ITFG1: variants seen among roughly 807,000 people sequenced by gnomAD.
ITFG1 encodes T-cell immunomodulatory protein.
Under a neutral mutation model 81.8 loss-of-function variants are expected in ITFG1, and 34 were observed. That is an observed-to-expected ratio of 0.42 (90% confidence interval 0.32 to 0.55). The LOEUF (loss-of-function observed/expected upper bound fraction) is 0.55. Ranked by LOEUF, ITFG1 falls within the 20% of genes least tolerant of loss-of-function variation. ITFG1 has a pLI of 0.17. For missense variants in ITFG1, 672 were observed against 755.4 expected (o/e 0.89, Z 1.29); for synonymous variants, 285 against 270.6 (o/e 1.05, Z -0.52).
intron 6 of ITFG1, among the ~76,000 whole-genome samples, chr16:47,380,963 T>C (rs1968388895): frequency 6.6e-6 from 1 of 152,240 alleles, no homozygotes; most frequent in Non-Finnish European, 1.5e-5. Context: ...AAATATTCAA[T>C]GCACATGCAG....
At chr16:47,299,107 T>C (rs1967032016) in intron 10 of ITFG1, among the ~76,000 whole-genome samples, 1 of 152,154 alleles carries the variant, frequency 6.6e-6, no homozygotes, top group Non-Finnish European at 1.5e-5. Context: ...ACCATGGCTT[T>C]GACAGGCAGG....
chr16:47,230,318 A>G (rs139261183), intron 13 of ITFG1, among the ~76,000 whole-genome samples: 1 of 152,306 alleles, frequency 6.6e-6, no homozygotes, highest in East Asian at 1.9e-4. Flanking sequence ...GTGTTTCGGT[A>G]AGTGTTGGCA....
At position 47,309,161 on chromosome 16, in the gene ITFG1, T is replaced by C. The variant is rs983903971; in HGVS notation, c.1070+2079A>G. On this transcript the variant is annotated intron_variant, in intron 10 of 17. Transcript: ENST00000320640. Reference sequence around the variant, plus strand: ...TTGGCTCACTGCAACCTCTGCCTCCTGGGTTCAAGTGATTCTCCTGCTTCA... The same window carrying C: ...TTGGCTCACTGCAACCTCTGCCTCCCGGGTTCAAGTGATTCTCCTGCTTCA... 4.0e-5 allele frequency among the ~76,000 whole-genome samples: 6 copies of C among 151,506 alleles called. 1 individual carries two copies. Among genetic ancestry groups the C allele is most frequent in the Admixed American group, 3.3e-4 (5 of 15,176 alleles).
At chr16:47,372,161 A>G (rs943957113) in intron 7 of ITFG1, among the ~76,000 whole-genome samples, 1 of 151,936 alleles carries the variant, frequency 6.6e-6, no homozygotes, top group Non-Finnish European at 1.5e-5. Flanking sequence ...CTCTTCCTCC[A>G]CGACACTTAC....
At chr16:47,173,912 T>C (rs1365407230) in intron 14 of ITFG1, among the ~76,000 whole-genome samples, 1 of 152,062 alleles carries the variant, frequency 6.6e-6, no homozygotes, top group African/African-American at 2.4e-5. Flanking sequence ...TGGTGGCACG[T>C]GCCTGTAGTC....
chr16:47,321,235 C>T (rs1967443965), intron 8 of ITFG1, among the ~76,000 whole-genome samples: 1 of 151,932 alleles, frequency 6.6e-6, no homozygotes, highest in South Asian at 2.1e-4. Context: ...TATGTGAGAC[C>T]CAGGGCTGAA....
chr16:47,340,467 T>C (rs1316996412), intron 8 of ITFG1, among the ~76,000 whole-genome samples: 1 of 152,136 alleles, frequency 6.6e-6, no homozygotes, highest in Non-Finnish European at 1.5e-5. Flanking sequence ...TCAATTCAAA[T>C]TAGAAGGCTA....
At chr16:47,263,335 T>C (rs1966233776) in intron 10 of ITFG1, 2 of 476,286 alleles carry the variant, frequency 4.2e-6, no homozygotes, top group South Asian at 3.3e-5. Flanking sequence ...AGCAGGCCTA[T>C]GATCTGGCCC....
chr16:47,271,162 T>C (rs984777158), intron 10 of ITFG1, among the ~76,000 whole-genome samples: 1 of 151,720 alleles, frequency 6.6e-6, no homozygotes, highest in Non-Finnish European at 1.5e-5. Flanking sequence ...TCAAATACTA[T>C]CAAGAAAGTA....
intron 13 of ITFG1, among the ~76,000 whole-genome samples, chr16:47,230,206 AAGAT>A (rs1965800074): frequency 6.6e-6 from 1 of 152,162 alleles, no homozygotes; most frequent in South Asian, 2.1e-4. Context: ...CAACATTTGA[AAGAT>A]AGGCAGAAGA....
At chr16:47,371,150 T>G (rs530365604) in intron 7 of ITFG1, among the ~76,000 whole-genome samples, 1 of 152,214 alleles carries the variant, frequency 6.6e-6, no homozygotes, top group Non-Finnish European at 1.5e-5. Context: ...TGTGTACTAA[T>G]TTCAATGACT....
intron 2 of ITFG1, among the ~76,000 whole-genome samples, chr16:47,456,039 A>G (rs1345302086): frequency 1.3e-5 from 2 of 152,094 alleles, no homozygotes; most frequent in African/African-American, 2.4e-5. Flanking sequence ...AAGGGCCCAC[A>G]TAATGCCTAG....
At chr16:47,294,237 C>G (rs1966951732) in intron 10 of ITFG1, among the ~76,000 whole-genome samples, 1 of 152,014 alleles carries the variant, frequency 6.6e-6, no homozygotes, top group South Asian at 2.1e-4. Flanking sequence ...TTACTTAATA[C>G]CAGTACTATG....
At chr16:47,429,808 C>T (rs753342368) in intron 5 of ITFG1, among the ~76,000 whole-genome samples, 6 of 152,094 alleles carry the variant, frequency 3.9e-5, no homozygotes, top group Non-Finnish European at 8.8e-5. Context: ...ATCCATCCAT[C>T]GATCCATCCA....
At chr16:47,210,805 A>T (rs912570236) in intron 14 of ITFG1, among the ~76,000 whole-genome samples, 9 of 152,154 alleles carry the variant, frequency 5.9e-5, no homozygotes, top group Non-Finnish European at 1.2e-4. Flanking sequence ...TTTCATAATC[A>T]ATGTATCTGT....
intron 7 of ITFG1, among the ~76,000 whole-genome samples, chr16:47,369,822 T>C (rs1233951491): frequency 1.3e-5 from 2 of 149,026 alleles, no homozygotes; most frequent in Non-Finnish European, 3.0e-5. Flanking sequence ...ATTCAGAATA[T>C]TCAATATCCT....
chr16:47,202,030 T>G (rs1404182253), intron 14 of ITFG1: 2 of 152,188 alleles, frequency 1.3e-5, no homozygotes, highest in Non-Finnish European at 2.9e-5. Context: ...GACATAACAG[T>G]GTTACTTATA....
chr16:47,292,022 T>C (rs1246711403), intron 10 of ITFG1, among the ~76,000 whole-genome samples: 1 of 151,818 alleles, frequency 6.6e-6, no homozygotes, highest in Admixed American at 6.6e-5. Flanking sequence ...TTCCTTGCTT[T>C]TTTTTTTTTG....
At chr16:47,270,602 T>A (rs1966328029) in intron 10 of ITFG1, among the ~76,000 whole-genome samples, 1 of 152,204 alleles carries the variant, frequency 6.6e-6, no homozygotes, top group South Asian at 2.1e-4. Context: ...AACTTGTACA[T>A]GAATGTTCAC....
Sources: gnomAD v4.1 joint callset for allele counts (sites outside exome capture counted in the v4.1 genomes callset) on GRCh38, gnomAD v4.1.1 for gene constraint, MANE v1.5 for transcripts, NCBI Gene and HGNC (gene_info 2026-07-23, HGNC 2026-07-21) for gene names.